Variants in MYOM1 observed in about 807,000 individuals in gnomAD.
The protein encoded by MYOM1 is myomesin 1, also known as myomesin-1.
Under a neutral mutation model 205.3 loss-of-function variants are expected in MYOM1, and 164 were observed. The observed-to-expected ratio is 0.80, with a 90% CI of 0.70 to 0.91. The LOEUF (loss-of-function observed/expected upper bound fraction) is 0.91, where lower values mean the gene tolerates loss of function less well. MYOM1 is among the 40% of genes least tolerant of loss of function. The pLI is 0.00. For synonymous variants in MYOM1, 772 were observed against 789.4 expected (o/e 0.98, Z 0.37); for missense variants, 2,011 against 2,127.3 (o/e 0.95, Z 1.08).
intron 8 of MYOM1, among the ~76,000 whole-genome samples, chr18:3,170,751 G>C (rs2080544931): frequency 6.6e-6 from 1 of 152,082 alleles, no homozygotes; most frequent in South Asian, 2.1e-4. Context: ...ACAAATCTAT[G>C]CCGTAGATAC....
intron 23 of MYOM1, among the ~76,000 whole-genome samples, chr18:3,101,536 T>C (rs1005239190): frequency 5.3e-5 from 8 of 152,204 alleles, no homozygotes; most frequent in Admixed American, 2.0e-4. Context: ...GAGATGGGCC[T>C]AGAGCTCGTT....
intron 3 of MYOM1, among the ~76,000 whole-genome samples, chr18:3,193,357 T>C (rs574265191): frequency 0.16 from 16,247 of 101,502 alleles, 1,617 homozygotes; most frequent in African/African-American, 0.31. Flanking sequence ...CATATATATA[T>C]ATATACACAC....
At chr18:3,159,491 A>G (rs1447716646) in intron 10 of MYOM1, among the ~76,000 whole-genome samples, 1 of 152,234 alleles carries the variant, frequency 6.6e-6, no homozygotes, top group Non-Finnish European at 1.5e-5. Flanking sequence ...CATATGACCT[A>G]GCAATTCCAC....
chr18:3,167,908 T>C (rs185448027), intron 9 of MYOM1, among the ~76,000 whole-genome samples: 51 of 152,316 alleles, frequency 3.3e-4, no homozygotes, highest in Non-Finnish European at 6.3e-4. Flanking sequence ...CAAAGTGAGA[T>C]TGAATTGTGA....
chr18:3,067,030 T>C lies in MYOM1; in HGVS notation c.*232A>G. The stretch of plus-strand genomic sequence containing the variant: ...TTCAAGTCTTCTCCTTAAAACTGTT[T>C]CCTAATCTTCATGCTATGAATGGTA... On this transcript the variant is annotated 3_prime_UTR_variant, in exon 38 of 38. Transcript: ENST00000356443. 1.9e-6 allele frequency: 1 copy of C among 534,884 alleles called. No individual in the cohort carries two copies. Among genetic ancestry groups the C allele is most frequent in the Non-Finnish European group, 3.3e-6 (1 of 301,092 alleles). 33.1% of individuals were successfully genotyped at this position (534,884 alleles called of 1,614,324 possible).
chr18:3,136,381 T>C (rs1033052527), intron 14 of MYOM1, among the ~76,000 whole-genome samples: 18 of 152,150 alleles, frequency 1.2e-4, no homozygotes, highest in African/African-American at 3.6e-4. Context: ...TGAGGATCGT[T>C]TGGGGTCAGG....
At chr18:3,153,494 A>G (rs898079061) in intron 11 of MYOM1, among the ~76,000 whole-genome samples, 1 of 152,230 alleles carries the variant, frequency 6.6e-6, no homozygotes, top group Non-Finnish European at 1.5e-5. Context: ...GACTAAGGCC[A>G]GAGGAGAACA....
At chr18:3,232,432 G>T in the MYOM1 span, among the ~76,000 whole-genome samples, 1 of 152,276 alleles carries the variant, frequency 6.6e-6, no homozygotes, top group East Asian at 1.9e-4. Flanking sequence ...GCAGATCAGT[G>T]GTTGTGTGGG....
At chr18:3,136,164 C>A (rs1350107766) in intron 14 of MYOM1, among the ~76,000 whole-genome samples, 3 of 152,108 alleles carry the variant, frequency 2.0e-5, no homozygotes, top group Non-Finnish European at 4.4e-5. Flanking sequence ...TTTCGCCTTC[C>A]ACCATGATTG....
At chr18:3,191,943 G>A (rs565042120) in intron 3 of MYOM1, among the ~76,000 whole-genome samples, 4 of 152,026 alleles carry the variant, frequency 2.6e-5, no homozygotes, top group Admixed American at 6.6e-5. Context: ...TGATCTGCCC[G>A]CCTCAGCCTC....
In MYOM1 at chr18:3,072,359, T is replaced by C. The variant is rs1424773366; in HGVS notation, c.4709-470A>G. On this transcript the variant is annotated intron_variant, in intron 36 of 37. Coordinates refer to ENST00000356443, the MANE Select transcript of MYOM1 (RefSeq NM_003803.4). ...GAGCCACCGCACCCGGCTTTTTTTT[T>C]TTTTTTTTTTTTGAGGCAGAGTCTC... Among the ~76,000 whole-genome samples, 7 of 128,100 alleles carry C rather than the reference T, an allele frequency of 5.5e-5. 1 individual carries two copies. In the East Asian group the frequency reaches 1.6e-3, roughly 29 times the overall value. The allele number at this position is 128,100 out of a possible 152,430, so 84.0% of individuals were successfully genotyped here.
At chr18:3,175,313 T>C (rs910919544) in intron 6 of MYOM1, among the ~76,000 whole-genome samples, 2 of 152,184 alleles carry the variant, frequency 1.3e-5, no homozygotes, top group African/African-American at 2.4e-5. Context: ...AATTTCACCT[T>C]GACACTTAGG....
intron 15 of MYOM1, 123 bp from the exon 16 acceptor site, chr18:3,134,947 AT>A: frequency 1.1e-6 from 1 of 947,802 alleles, no homozygotes; most frequent in Non-Finnish European, 1.5e-6. Context: ...CAGCTGCTTT[AT>A]TTTACGATTT....
chr18:3,176,696 C>T (rs1054195154), intron 5 of MYOM1, among the ~76,000 whole-genome samples: 5 of 151,026 alleles, frequency 3.3e-5, no homozygotes, highest in South Asian at 2.1e-4. Context: ...GCCTGGCCAA[C>T]GTGGTGAAAT....
chr18:3,163,976 C>T (rs1243183739), intron 10 of MYOM1, among the ~76,000 whole-genome samples: 1 of 151,942 alleles, frequency 6.6e-6, no homozygotes, highest in Non-Finnish European at 1.5e-5. Flanking sequence ...CTTCAGCCTC[C>T]CAAGTAGCTG....
At chr18:3,089,263 A>G (rs1380058120) in intron 28 of MYOM1, 22 bp from the exon 29 acceptor site, 1 of 1,573,220 alleles carries the variant, frequency 6.4e-7, no homozygotes, top group South Asian at 1.1e-5. Context: ...TAATGACATT[A>G]GCAATTACTC....
Position 3,108,488 on chromosome 18 carries a change from T to C in MYOM1, c.3418+3810A>G, listed in dbSNP as rs111882212. Among the ~76,000 whole-genome samples, 715 of 152,314 alleles carry C rather than the reference T, an allele frequency of 4.7e-3. 6 individuals carry two copies. Among genetic ancestry groups the C allele is most frequent in the African/African-American group, 0.017 (687 of 41,578 alleles). ...TACATGATACTCAAATGGATGATTC[T>C]TTCTATAGATGCCCTAGCAAAACCA... On this transcript the variant is annotated intron_variant, in intron 22 of 37. Coordinates refer to ENST00000356443, the MANE Select transcript of MYOM1 (RefSeq NM_003803.4).
chr18:3,221,825 G>A (rs2081332997), upstream of MYOM1, among the ~76,000 whole-genome samples: 1 of 152,170 alleles, frequency 6.6e-6, no homozygotes, highest in Admixed American at 6.5e-5. Context: ...GTAAGCATGT[G>A]GACATTTTAG....
In MYOM1 at chr18:3,135,432, A is replaced by G; in HGVS notation, c.2209+115T>C. Reference sequence around the variant, plus strand: ...TATAGGTTAAGTACAGCCATCGAGTAAATTTATAATATGAAAGAAGGATGT... The same window carrying G: ...TATAGGTTAAGTACAGCCATCGAGTGAATTTATAATATGAAAGAAGGATGT... On this transcript the variant is annotated intron_variant, in intron 15 of 37. Coordinates refer to ENST00000356443, the MANE Select transcript of MYOM1 (RefSeq NM_003803.4). This position sits in a 1 kb window ranked among gnomAD's most constrained non-coding sequence, Gnocchi z 4.1. 1 of 935,692 alleles carries G rather than the reference A, an allele frequency of 1.1e-6. No individual in the cohort carries two copies. The highest frequency in any genetic ancestry group is 2.7e-5 in the East Asian group (1 of 37,386). 58.0% of individuals were successfully genotyped at this position (935,692 alleles called of 1,614,324 possible). A position where few individuals can be genotyped will look rare whatever the true frequency, so the allele number is the denominator to read the frequency against.
Sources: allele counts gnomAD v4.1 joint callset (sites outside exome capture counted in the v4.1 genomes callset), GRCh38; gene constraint gnomAD v4.1.1; non-coding constraint Gnocchi (gnomAD v3.1); transcripts MANE v1.5; gene names NCBI Gene and HGNC (gene_info 2026-07-23, HGNC 2026-07-21).